SLC5A5: variants seen among roughly 807,000 people sequenced by gnomAD.
SLC5A5 encodes sodium/iodide cotransporter.
In SLC5A5, 56 loss-of-function variants were observed where a neutral mutation model predicts 68.6. The ratio of observed to expected loss-of-function variants is 0.82; its 90% confidence interval spans 0.66 to 1.02. SLC5A5 has a LOEUF of 1.02. Among genes scored for constraint, SLC5A5 ranks in the 50% least tolerant of loss-of-function variants. SLC5A5 has a pLI of 0.00. For missense variants in SLC5A5, 807 were observed against 859.8 expected, an observed-to-expected ratio of 0.94 and a Z score of 0.77; for synonymous variants, 398 against 373.0, an observed-to-expected ratio of 1.07 and a Z score of -0.77.
intron 2 of SLC5A5, 35 bp downstream of exon 2, chr19:17,874,238 C>T: frequency 6.7e-7 from 1 of 1,481,864 alleles, no homozygotes; most frequent in Non-Finnish European, 9.4e-7. Context: ...CGCTCAGGGC[C>T]CCGAGAGCGT....
At chr19:17,882,329 C>T in intron 10 of SLC5A5, 110 bp downstream of exon 10, 1 of 841,388 alleles carries the variant, frequency 1.2e-6, no homozygotes, top group Non-Finnish European at 1.9e-6. Context: ...TGGCAGAACT[C>T]ACTTCTATGT....
At position 17,872,218 on chromosome 19, in the gene SLC5A5, T is replaced by TGGCC; in HGVS notation, c.-102_-101insGGCC. On this transcript the variant is annotated 5_prime_UTR_variant, in exon 1 of 15. Transcript: ENST00000222248. ...AGCGGGGACAGGCTGCCGAGCATCC[T>TGGCC]CCCACCCGCCCTCCCCGTCCTGCCT... The TGGCC allele has an allele frequency of 2.2e-6, 1 of 456,252 alleles. No homozygotes were observed. The highest frequency in any genetic ancestry group is 5.1e-5 in the East Asian group (1 of 19,768). The allele number at this position is 456,252 out of a possible 1,614,324, so 28.3% of individuals were successfully genotyped here.
chr19:17,893,838 A>ACAT lies in SLC5A5; in HGVS notation c.1894_1896dup (p.His632dup), dbSNP rs777659276. On this transcript the variant is annotated inframe_insertion, in exon 15 of 15. Coordinates refer to ENST00000222248, the MANE Select transcript of SLC5A5 (RefSeq NM_000453.3). ...CTGGCTCTTGGACCCCCTGTGTTGGACATGATGGTGGTCGAGACCAGCAGG... is the reference window on the plus strand; with the variant it reads ...CTGGCTCTTGGACCCCCTGTGTTGGACATCATGATGGTGGTCGAGACCAGCAGG... The ACAT allele has an allele frequency of 6.9e-6, 11 of 1,592,116 alleles. No individual in the cohort carries two copies. In the South Asian group the frequency reaches 1.0e-4, roughly 15 times the overall value.
At chr19:17,880,602 A>G (rs1192897547) in intron 7 of SLC5A5, among the ~76,000 whole-genome samples, 1 of 152,210 alleles carries the variant, frequency 6.6e-6, no homozygotes, top group African/African-American at 2.4e-5. Flanking sequence ...GGACTGAAGC[A>G]GGAAGATCGC....
chr19:17,877,917 A>G (rs770086567), intron 6 of SLC5A5, 47 bp from the exon 7 acceptor site: 13 of 1,613,610 alleles, frequency 8.1e-6, no homozygotes, highest in Non-Finnish European at 9.3e-6. Flanking sequence ...GCCCCCCTCC[A>G]CCAGCCTGAG....
Position 17,876,744 on chromosome 19 carries a change from C to G in SLC5A5, c.698+638C>G, listed in dbSNP as rs551246391. ...GGGCATGCTGGCAGGCGCCTGTAAT[C>G]CCAGCTACTCAGGAGGCTGAGGCAG... is the stretch of plus-strand genomic sequence containing the variant. On this transcript the variant is annotated intron_variant, in intron 5 of 14. Coordinates refer to ENST00000222248, the MANE Select transcript of SLC5A5 (RefSeq NM_000453.3). 1.1e-3 allele frequency among the ~76,000 whole-genome samples: 170 copies of G among 152,192 alleles called. 1 individual carries two copies. Among genetic ancestry groups the G allele is most frequent in the African/African-American group, 3.9e-3 (161 of 41,530 alleles).
chr19:17,885,825 G>A (rs995340147), intron 12 of SLC5A5, among the ~76,000 whole-genome samples: 2 of 151,926 alleles, frequency 1.3e-5, no homozygotes, highest in Non-Finnish European at 2.9e-5. Flanking sequence ...CATGTAAATG[G>A]AATCATAAAA....
chr19:17,878,110 C>G lies in SLC5A5; in HGVS notation c.969+17C>G. ...CCAGACCAGGTGAGTCCCACCCAGG[C>G]TCCTGGTTGGCTCTGCACTCCCTCA... On this transcript the variant is annotated intron_variant, in intron 7 of 14. Coordinates refer to ENST00000222248, the MANE Select transcript of SLC5A5 (RefSeq NM_000453.3). 1 of 1,608,662 alleles carries G rather than the reference C, an allele frequency of 6.2e-7. No homozygotes were observed. Among genetic ancestry groups the G allele is most frequent in the Non-Finnish European group, 8.5e-7 (1 of 1,179,702 alleles).
intron 4 of SLC5A5, 55 bp downstream of exon 4, chr19:17,874,786 T>C (rs1292049944): frequency 5.8e-6 from 9 of 1,543,596 alleles, no homozygotes; most frequent in South Asian, 2.2e-5. Flanking sequence ...CTGTGTCTCT[T>C]GTGGGGAGAC....
chr19:17,886,711 C>T (rs1320330440), intron 12 of SLC5A5, among the ~76,000 whole-genome samples: 3 of 152,146 alleles, frequency 2.0e-5, no homozygotes, highest in Non-Finnish European at 4.4e-5. Context: ...TCCACGTCCT[C>T]GCCAATACTC....
rs201655832 is a variant in SLC5A5, at chr19:17,875,973, T to G, written c.565T>G (p.Trp189Gly). 8.1e-6 allele frequency: 13 copies of G among 1,614,178 alleles called. No homozygotes were observed. In the Admixed American group the frequency reaches 1.8e-4, roughly 23 times the overall value. The change falls in exon 5 of 15, where the codon TGG becomes GGG. Residue 189 changes from tryptophan (W) to glycine (G), a missense_variant. By Grantham distance (184) the Trp-to-Gly change is radical. Coordinates refer to ENST00000222248, the MANE Select transcript of SLC5A5 (RefSeq NM_000453.3). ...TAVGGMKAVV[W>G]TDVFQVVVML... ...GCAGGGCGGCATGAAGGCTGTGGTC[T>G]GGACTGATGTGTTCCAGGTCGTGGT...
chr19:17,883,826 C>T lies in SLC5A5; in HGVS notation c.1330-24C>T, dbSNP rs55910163. ...CGGGGCCGGACAGGCCCCTCCCCTT[C>T]CCTGACGCCGGCTCTGCCCCCAGGG... On this transcript the variant is annotated intron_variant, in intron 11 of 14. Coordinates refer to ENST00000222248, the MANE Select transcript of SLC5A5 (RefSeq NM_000453.3). 283,271 of 1,602,008 alleles carry T rather than the reference C, an allele frequency of 0.18. 27,711 individuals carry two copies. The highest frequency in any genetic ancestry group is 0.2 in the Middle Eastern group (1,021 of 5,136).
At chr19:17,886,797 T>A (rs962336035) in intron 12 of SLC5A5, among the ~76,000 whole-genome samples, 1 of 152,230 alleles carries the variant, frequency 6.6e-6, no homozygotes, top group Non-Finnish European at 1.5e-5. Context: ...TGAATAATGA[T>A]GTTGAGCATC....
chr19:17,891,114 C>G, intron 14 of SLC5A5, 113 bp downstream of exon 14: 1 of 753,546 alleles, frequency 1.3e-6, no homozygotes, highest in Middle Eastern at 2.3e-4. Flanking sequence ...CGCTCATTAT[C>G]TCCAGTCAAA....
intron 7 of SLC5A5, among the ~76,000 whole-genome samples, chr19:17,878,674 G>A (rs2094313288): frequency 6.6e-6 from 1 of 151,868 alleles, no homozygotes; most frequent in South Asian, 2.1e-4. Flanking sequence ...ATGCTCAGGA[G>A]GAGATGAAAC....
At chr19:17,891,604 T>C (rs1239988123) in intron 14 of SLC5A5, among the ~76,000 whole-genome samples, 11 of 152,210 alleles carry the variant, frequency 7.2e-5, no homozygotes, top group Non-Finnish European at 1.0e-4. Flanking sequence ...CTTCCAATCT[T>C]TGGCAGGTGA....
intron 2 of SLC5A5, 87 bp from the exon 3 acceptor site, chr19:17,874,407 T>C: frequency 1.5e-6 from 2 of 1,344,412 alleles, no homozygotes; most frequent in East Asian, 2.3e-5. Flanking sequence ...CCCGCCCATA[T>C]TCTGGGACCA....
chr19:17,881,160 A>G (rs1488365730), intron 8 of SLC5A5, among the ~76,000 whole-genome samples: 1 of 152,066 alleles, frequency 6.6e-6, no homozygotes, highest in Admixed American at 6.6e-5. Context: ...TTACCTTCTT[A>G]TCACCTGTCA....
At chr19:17,886,411 G>A (rs968511041) in intron 12 of SLC5A5, among the ~76,000 whole-genome samples, 16 of 150,236 alleles carry the variant, frequency 1.1e-4, no homozygotes, top group South Asian at 8.5e-4. Context: ...GGGTTCAAGC[G>A]ATTCTCCCGC....
Sources: allele counts gnomAD v4.1 joint callset (sites outside exome capture counted in the v4.1 genomes callset), GRCh38; gene constraint gnomAD v4.1.1; transcripts MANE v1.5; gene names NCBI Gene and HGNC (gene_info 2026-07-23, HGNC 2026-07-21).